The following SNTG1 variants were observed in gnomAD, a reference collection of about 807,000 sequenced individuals.
The protein encoded by SNTG1 is syntrophin gamma 1.
A neutral mutation model predicts 74.7 loss-of-function variants in SNTG1; 39 were observed. The observed-to-expected ratio is 0.52, with a 90% CI of 0.40 to 0.68. The LOEUF (loss-of-function observed/expected upper bound fraction) is 0.68. Among genes scored for constraint, SNTG1 ranks in the 30% least tolerant of loss-of-function variants. The pLI is 0.00. For synonymous variants in SNTG1, 254 were observed against 217.1 expected, an observed-to-expected ratio of 1.17 and a Z score of -1.49; for missense variants, 685 against 609.5, an observed-to-expected ratio of 1.12 and a Z score of -1.30.
chr8:50,189,414 G>A (rs1452205849), intron 2 of SNTG1, among the ~76,000 whole-genome samples: 2 of 152,044 alleles, frequency 1.3e-5, no homozygotes, highest in East Asian at 1.9e-4. Flanking sequence ...GGTAGATGTG[G>A]GAAGGAGCCT....
At position 50,456,605 on chromosome 8, in the gene SNTG1, C is replaced by T. The variant is rs143947433; in HGVS notation, c.363+5876C>T. 2.3e-3 allele frequency among the ~76,000 whole-genome samples: 345 copies of T among 152,256 alleles called. 5 individuals are homozygous for T. The highest frequency in any genetic ancestry group is 7.8e-3 in the African/African-American group (326 of 41,544). ...CTTTTATGAGAGCATTAATTCTGTTCATGAGAGTGAAACACTCCTGATTTA... is the reference window on the plus strand; with the variant it reads ...CTTTTATGAGAGCATTAATTCTGTTTATGAGAGTGAAACACTCCTGATTTA... On this transcript the variant is annotated intron_variant, in intron 8 of 18. Coordinates refer to ENST00000642720, the MANE Select transcript of SNTG1 (RefSeq NM_018967.5).
chr8:49,946,303 G>T (rs1195167929), intron 1 of SNTG1, among the ~76,000 whole-genome samples: 1 of 152,048 alleles, frequency 6.6e-6, no homozygotes, highest in East Asian at 1.9e-4. Flanking sequence ...TACTATAACT[G>T]GATAAAATAT....
At chr8:49,988,886 GA>G (rs1360997504) in intron 1 of SNTG1, among the ~76,000 whole-genome samples, 6 of 151,516 alleles carry the variant, frequency 4.0e-5, no homozygotes, top group Non-Finnish European at 7.4e-5. Context: ...CAGAAAAAAG[GA>G]ATAAAAAAGA....
chr8:50,612,847 G>A (rs948135127), intron 13 of SNTG1, among the ~76,000 whole-genome samples: 2 of 152,020 alleles, frequency 1.3e-5, no homozygotes, highest in African/African-American at 4.8e-5. Flanking sequence ...TACCTTACTA[G>A]CAGTTGCACA....
chr8:50,193,520 T>C (rs1248190586), intron 2 of SNTG1, among the ~76,000 whole-genome samples: 1 of 152,144 alleles, frequency 6.6e-6, no homozygotes, highest in East Asian at 1.9e-4. Flanking sequence ...ACATTAATCT[T>C]GTATCTGGAA....
intron 4 of SNTG1, among the ~76,000 whole-genome samples, chr8:50,433,999 C>A (rs1357228581): frequency 6.6e-6 from 1 of 152,022 alleles, no homozygotes; most frequent in East Asian, 1.9e-4. Context: ...ATTAACTCAT[C>A]ATTTACATTA....
intron 18 of SNTG1, among the ~76,000 whole-genome samples, chr8:50,768,217 C>G (rs1192686088): frequency 2.6e-5 from 4 of 151,914 alleles, no homozygotes; most frequent in Admixed American, 1.3e-4. Flanking sequence ...AAATTCAAGT[C>G]AGAAATTGAG....
chr8:50,097,535 C>T (rs1023718261), intron 1 of SNTG1, among the ~76,000 whole-genome samples: 9 of 151,878 alleles, frequency 5.9e-5, no homozygotes, highest in Non-Finnish European at 1.0e-4. Context: ...GCCTGTAGTC[C>T]CAGCTACTCG....
chr8:49,924,270 A>G (rs1806817869), intron 1 of SNTG1, among the ~76,000 whole-genome samples: 1 of 152,180 alleles, frequency 6.6e-6, no homozygotes. Flanking sequence ...AAAGAAAGGT[A>G]TATGTACTTT....
chr8:50,228,900 C>T lies in SNTG1; in HGVS notation c.-28+56265C>T, dbSNP rs143017805. On this transcript the variant is annotated intron_variant, in intron 2 of 18. Coordinates refer to ENST00000642720, the MANE Select transcript of SNTG1 (RefSeq NM_018967.5). ...AATGTGTTATTTGTTTAATTCTTGGCTGAAAATATAGCTGTTTAAAATAAT... is the reference window on the plus strand; with the variant it reads ...AATGTGTTATTTGTTTAATTCTTGGTTGAAAATATAGCTGTTTAAAATAAT... 6.8e-3 allele frequency among the ~76,000 whole-genome samples: 1,027 copies of T among 151,616 alleles called. 11 individuals are homozygous for T. Among genetic ancestry groups the T allele is most frequent in the African/African-American group, 0.023 (970 of 41,444 alleles).
chr8:50,641,065 C>T (rs2095069563), intron 13 of SNTG1, among the ~76,000 whole-genome samples: 1 of 152,144 alleles, frequency 6.6e-6, no homozygotes, highest in South Asian at 2.1e-4. Flanking sequence ...AGACTAACTC[C>T]AACTTTCCTT....
intron 1 of SNTG1, among the ~76,000 whole-genome samples, chr8:49,991,028 T>C (rs2130307501): frequency 6.6e-6 from 1 of 152,274 alleles, no homozygotes; most frequent in South Asian, 2.1e-4. Flanking sequence ...GAAAAAGTGT[T>C]GGCAAATTAT....
chr8:50,712,036 T>C (rs529624502), intron 17 of SNTG1, among the ~76,000 whole-genome samples: 5 of 152,242 alleles, frequency 3.3e-5, no homozygotes, highest in Non-Finnish European at 7.3e-5. Context: ...TATATAGTGA[T>C]AGAGTTCCTA....
At chr8:50,691,367 A>G (rs1042197655) in intron 15 of SNTG1, among the ~76,000 whole-genome samples, 3 of 152,004 alleles carry the variant, frequency 2.0e-5, no homozygotes, top group African/African-American at 7.2e-5. Flanking sequence ...AATTTGGCAT[A>G]TTTTTGCAGT....
At chr8:50,302,744 ATAAC>A in intron 2 of SNTG1, among the ~76,000 whole-genome samples, 1 of 131,926 alleles carries the variant, frequency 7.6e-6, no homozygotes, top group South Asian at 2.4e-4. Flanking sequence ...ATGTTATAAC[ATAAC>A]ACGGGGGCCC....
intron 8 of SNTG1, among the ~76,000 whole-genome samples, chr8:50,477,388 C>T (rs2093705233): frequency 6.6e-6 from 1 of 151,902 alleles, no homozygotes; most frequent in East Asian, 1.9e-4. Flanking sequence ...CCCCAGATCA[C>T]ATATACCTAG....
chr8:50,401,087 T>G (rs887728293), intron 3 of SNTG1, among the ~76,000 whole-genome samples: 1 of 152,134 alleles, frequency 6.6e-6, no homozygotes, highest in Non-Finnish European at 1.5e-5. Flanking sequence ...TGTGCTAAAT[T>G]TTTAATTTGA....
At chr8:50,223,528 G>C (rs887834251) in intron 2 of SNTG1, among the ~76,000 whole-genome samples, 25 of 151,908 alleles carry the variant, frequency 1.6e-4, no homozygotes. Context: ...TTATGCAAAA[G>C]GAAGGTATTT....
intron 2 of SNTG1, among the ~76,000 whole-genome samples, chr8:50,233,202 G>C (rs2085718126): frequency 6.6e-6 from 1 of 151,552 alleles, no homozygotes; most frequent in Non-Finnish European, 1.5e-5. Flanking sequence ...TATCAGCAGA[G>C]GGATAGATAC....
Sources: gnomAD v4.1 joint callset for allele counts (sites outside exome capture counted in the v4.1 genomes callset) on GRCh38, gnomAD v4.1.1 for gene constraint, MANE v1.5 for transcripts, NCBI Gene and HGNC (gene_info 2026-07-23, HGNC 2026-07-21) for gene names.